Variants in THRA observed in about 807,000 individuals in gnomAD.
The protein encoded by THRA is thyroid hormone receptor alpha.
THRA carries 13 observed loss-of-function variants against 45.0 expected under a neutral mutation model. The ratio of observed to expected loss-of-function variants is 0.29; its 90% CI spans 0.19 to 0.46. The LOEUF (loss-of-function observed/expected upper bound fraction) is 0.46. Among genes scored for constraint, THRA ranks in the 20% least tolerant of loss-of-function variants. THRA has a pLI of 1.00. For missense variants in THRA, 278 were observed against 556.1 expected, an observed-to-expected ratio of 0.50 and a Z score of 5.03; for synonymous variants, 195 against 214.0, an observed-to-expected ratio of 0.91 and a Z score of 0.78.
chr17:40,088,206 T>C (rs1598398073), intron 7 of THRA, 36 bp from the exon 8 acceptor site: 1 of 1,553,662 alleles, frequency 6.4e-7, no homozygotes, highest in Admixed American at 1.8e-5. Context: ...CGGGGAGGGG[T>C]ATGCTGAGTG....
intron 4 of THRA, among the ~76,000 whole-genome samples, chr17:40,083,375 G>A (rs1987214453): frequency 6.6e-6 from 1 of 152,000 alleles, no homozygotes; most frequent in Non-Finnish European, 1.5e-5. Flanking sequence ...CCTCATGCCC[G>A]GCTAATTTTC....
downstream of THRA, chr17:40,093,484 C>T (rs1987669936): frequency 1.4e-6 from 2 of 1,469,746 alleles, no homozygotes; most frequent in Non-Finnish European, 1.8e-6. This position sits in a 1 kb window ranked among gnomAD's most constrained non-coding sequence, Gnocchi z 5.9. Flanking sequence ...AGCGTGGGCT[C>T]AGCAGGGCTG....
At chr17:40,082,207 CT>C (rs770974952) in intron 4 of THRA, among the ~76,000 whole-genome samples, 3,776 of 78,866 alleles carry the variant, frequency 0.048, 35 homozygotes, top group African/African-American at 0.092. Flanking sequence ...CTTGGATTTC[CT>C]TTTTTTTTTT....
intron 1 of THRA, among the ~76,000 whole-genome samples, chr17:40,069,619 G>T (rs1023113590): frequency 1.3e-5 from 2 of 152,048 alleles, no homozygotes; most frequent in African/African-American, 2.4e-5. Flanking sequence ...AGAATGTGCC[G>T]TGCCCAGCTT....
At chr17:40,077,069 T>TG in intron 3 of THRA, 131 bp downstream of exon 3, 1 of 912,530 alleles carries the variant, frequency 1.1e-6, no homozygotes, top group Non-Finnish European at 1.7e-6. Context: ...GGGCTTGGGA[T>TG]GGACTTGTCT....
Position 40,077,582 on chromosome 17 carries a change from C to A in THRA, c.196C>A (p.Arg66Ser). The A allele has an allele frequency of 6.2e-7, 1 of 1,614,056 alleles. No homozygotes were observed. The highest frequency in any genetic ancestry group is 8.5e-7 in the Non-Finnish European group (1 of 1,179,960). The change falls in exon 4 of 9, where the codon CGC (arginine) becomes AGC (serine). Residue 66 changes from arginine to serine, a missense_variant. Physicochemically the swap from Arg to Ser is moderately radical, Grantham distance 110. This residue lies in a region of THRA where 20 missense variants were observed against 65.2 expected (regional missense o/e 0.31). Transcript: ENST00000450525. ...CGDKATGYHY[R>S]CITCEGCKGF... Reference sequence around the variant, plus strand: ...GGACAAGGCAACTGGTTATCACTACCGCTGTATCACTTGTGAGGGCTGCAA... The same window carrying A: ...GGACAAGGCAACTGGTTATCACTACAGCTGTATCACTTGTGAGGGCTGCAA...
At chr17:40,069,058 C>A in intron 1 of THRA, 1 of 152,446 alleles carries the variant, frequency 6.6e-6, no homozygotes, top group Non-Finnish European at 1.5e-5. Flanking sequence ...GACTCAGCTG[C>A]ATTCACGCGC....
chr17:40,068,725 T>C (rs1283060216), intron 1 of THRA, among the ~76,000 whole-genome samples: 3 of 152,208 alleles, frequency 2.0e-5, no homozygotes, highest in Non-Finnish European at 4.4e-5. Context: ...ACCAAGCCCC[T>C]GGCCCACCTC....
intron 4 of THRA, among the ~76,000 whole-genome samples, chr17:40,083,187 A>T (rs1006724048): frequency 1.3e-5 from 2 of 151,746 alleles, no homozygotes; most frequent in African/African-American, 4.8e-5. Flanking sequence ...TCAGCCTCCC[A>T]AAGTGCTGGG....
chr17:40,074,621 G>T, intron 2 of THRA, 80 bp downstream of exon 2: 1 of 1,488,766 alleles, frequency 6.7e-7, no homozygotes, highest in Non-Finnish European at 9.3e-7. Flanking sequence ...TTTAGGCACC[G>T]CCTTTAAGCA....
Position 40,086,842 on chromosome 17 carries a change from A to C in THRA, c.712A>C (p.Met238Leu), listed in dbSNP as rs749894010. 1.1e-5 allele frequency: 18 copies of C among 1,614,054 alleles called. 1 individual carries two copies. In the South Asian group the frequency reaches 2.0e-4, roughly 18 times the overall value. The stretch of plus-strand genomic sequence containing the variant: ...GGTGGACTTTGCCAAAAAACTGCCC[A>C]TGTTCTCCGAGGTGAGTGGCAGAAG... ...RVVDFAKKLP[M>L]FSELPCEDQI... is the part of the protein sequence containing the mutation. Residue 238 changes from methionine to leucine, a missense_variant, in exon 7 of 9, where the codon ATG becomes CTG. Physicochemically the swap from Met to Leu is conservative, Grantham distance 15. This residue lies in a region of THRA where 33 missense variants were observed against 133.2 expected (regional missense o/e 0.25). Coordinates refer to ENST00000450525, the MANE Select transcript of THRA (RefSeq NM_199334.5).
chr17:40,092,893 A>C lies in THRA; in HGVS notation c.*3437A>C. ...AGTGGTTTAAATAGGGGAGGAGGGG[A>C]AGTTCGGTGATGGGGGAGGGAGGCA... On this transcript the variant is annotated 3_prime_UTR_variant, in exon 9 of 9. Transcript: ENST00000450525. 1 of 1,344,382 alleles carries C rather than the reference A, an allele frequency of 7.4e-7. No homozygotes were observed. Among genetic ancestry groups the C allele is most frequent in the Non-Finnish European group, 1.0e-6 (1 of 1,000,742 alleles). 83.3% of individuals were successfully genotyped at this position (1,344,382 alleles called of 1,614,324 possible). A position where few individuals can be genotyped will look rare whatever the true frequency, so the allele number is the denominator to read the frequency against.
Position 40,073,720 on chromosome 17 carries a change from G to A in THRA, c.-297-472G>A, listed in dbSNP as rs114185811. ...TCTCTCTATTAAGGCACAAAGATGG[G>A]CATTCATGCTCACTGCGTGCCGCTC... is the stretch of plus-strand genomic sequence containing the variant. On this transcript the variant is annotated intron_variant, in intron 1 of 8. Coordinates refer to ENST00000450525, the MANE Select transcript of THRA (RefSeq NM_199334.5). Among the ~76,000 whole-genome samples, 695 of 152,186 alleles carry A rather than the reference G, an allele frequency of 4.6e-3. 5 individuals carry two copies. The highest frequency in any genetic ancestry group is 0.016 in the African/African-American group (662 of 41,480).
chr17:40,085,113 G>T (rs1020853913), intron 6 of THRA, among the ~76,000 whole-genome samples: 5 of 152,134 alleles, frequency 3.3e-5, no homozygotes, highest in African/African-American at 1.2e-4. Flanking sequence ...GGAGGAGAGG[G>T]TAAGGATACA....
intron 1 of THRA, among the ~76,000 whole-genome samples, chr17:40,063,443 C>T (rs1986435529): frequency 6.6e-6 from 1 of 152,070 alleles, no homozygotes; most frequent in South Asian, 2.1e-4. Flanking sequence ...CCCCCGCCCG[C>T]CGCGCCGCGG....
chr17:40,065,804 C>T (rs1311680167), intron 1 of THRA, among the ~76,000 whole-genome samples: 13 of 152,000 alleles, frequency 8.6e-5, no homozygotes, highest in Non-Finnish European at 1.8e-4. Flanking sequence ...CCCATGCTGA[C>T]CCCTCGGGCC....
Position 40,077,550 on chromosome 17 carries a change from T to C in THRA, c.164T>C (p.Val55Ala). The change falls in exon 4 of 9, where the codon GTG becomes GCG. Residue 55 changes from valine to alanine, a missense_variant. Physicochemically the swap from Val to Ala is moderately conservative, Grantham distance 64 (BLOSUM62 0). This residue lies in a region of THRA where 20 missense variants were observed against 65.2 expected (regional missense o/e 0.31). Coordinates refer to ENST00000450525, the MANE Select transcript of THRA (RefSeq NM_199334.5). ...CTGGACAAAGACGAGCAGTGTGTCG[T>C]GTGTGGGGACAAGGCAACTGGTTAT... ...SYLDKDEQCV[V>A]CGDKATGYHY... 6.2e-7 allele frequency: 1 copy of C among 1,614,030 alleles called. No individual in the cohort carries two copies. Among genetic ancestry groups the C allele is most frequent in the Non-Finnish European group, 8.5e-7 (1 of 1,179,970 alleles).
chr17:40,065,947 A>G (rs1218469032), intron 1 of THRA, among the ~76,000 whole-genome samples: 1 of 152,234 alleles, frequency 6.6e-6, no homozygotes, highest in Non-Finnish European at 1.5e-5. Flanking sequence ...CCCCATGGGC[A>G]GTGGCGGGAG....
In THRA at chr17:40,092,395, GT is replaced by G. The variant is rs1987608798; in HGVS notation, c.*2940del. 3.3e-5 allele frequency: 5 copies of G among 152,120 alleles called. No homozygotes were observed. Among genetic ancestry groups the G allele is most frequent in the Non-Finnish European group, 1.5e-5 (1 of 68,256 alleles). The allele number at this position is 152,120 out of a possible 1,614,324, so 9.4% of individuals were successfully genotyped here. ...GTGCTGGGCTGGGGGGAGGGGGGTTGTGGCCAGAAACAGGGAAGGAGGTAGG... is the reference window on the plus strand; with the variant it reads ...GTGCTGGGCTGGGGGGAGGGGGGTTGGGCCAGAAACAGGGAAGGAGGTAGG... On this transcript the variant is annotated 3_prime_UTR_variant, in exon 9 of 9. Coordinates refer to ENST00000450525, the MANE Select transcript of THRA (RefSeq NM_199334.5).
Sources: gnomAD v4.1 joint callset for allele counts (sites outside exome capture counted in the v4.1 genomes callset) on GRCh38, gnomAD v4.1.1 for gene constraint, gnomAD v4.1.1 regional missense constraint, Gnocchi (gnomAD v3.1) non-coding constraint, MANE v1.5 for transcripts, NCBI Gene and HGNC (gene_info 2026-07-23, HGNC 2026-07-21) for gene names.